The following PDLIM5 variants were observed in gnomAD, a reference collection of about 807,000 sequenced individuals.
The protein encoded by PDLIM5 is PDZ and LIM domain protein 5.
A neutral mutation model predicts 64.2 loss-of-function variants in PDLIM5; 34 were observed. The observed-to-expected ratio is 0.53, with a 90% CI of 0.40 to 0.71. The LOEUF (loss-of-function observed/expected upper bound fraction) is 0.71. PDLIM5 is among the 30% of genes least tolerant of loss of function. The pLI is 0.00. For missense variants in PDLIM5, 683 were observed against 733.6 expected (o/e 0.93, Z 0.80); for synonymous variants, 253 against 269.1 (o/e 0.94, Z 0.59).
intron 3 of PDLIM5, among the ~76,000 whole-genome samples, chr4:94,570,878 C>T (rs914019563): frequency 2.6e-5 from 4 of 151,944 alleles, no homozygotes; most frequent in Non-Finnish European, 4.4e-5. Flanking sequence ...TGATTGTTTA[C>T]GAGTTAAGTA....
intron 1 of PDLIM5, among the ~76,000 whole-genome samples, chr4:94,454,528 A>T (rs1304772527): frequency 6.6e-6 from 1 of 152,054 alleles, no homozygotes; most frequent in Non-Finnish European, 1.5e-5. Context: ...GCAAATGCTT[A>T]CTCTCTGCCT....
chr4:94,581,677 G>C (rs1176999513), intron 5 of PDLIM5, among the ~76,000 whole-genome samples: 2 of 152,126 alleles, frequency 1.3e-5, no homozygotes, highest in Admixed American at 1.3e-4. Context: ...TTCTTACTAT[G>C]TTTATAATGA....
At chr4:94,457,102 G>A (rs1197853658) in intron 2 of PDLIM5, 14 of 879,096 alleles carry the variant, frequency 1.6e-5, no homozygotes, top group Non-Finnish European at 1.9e-5. Flanking sequence ...TCTGCATCTT[G>A]TATGTGTATC....
chr4:94,560,753 G>A (rs1280979153), intron 3 of PDLIM5, among the ~76,000 whole-genome samples: 2 of 152,044 alleles, frequency 1.3e-5, no homozygotes, highest in Admixed American at 6.6e-5. Context: ...GTTTTGAGAC[G>A]AAGTCTTGCT....
At chr4:94,483,815 A>C (rs1726080242) in intron 2 of PDLIM5, among the ~76,000 whole-genome samples, 1 of 152,188 alleles carries the variant, frequency 6.6e-6, no homozygotes, top group Non-Finnish European at 1.5e-5. Context: ...TTATCATTCT[A>C]ATCTTCACAT....
At chr4:94,517,193 T>C (rs1729435917) in intron 2 of PDLIM5, among the ~76,000 whole-genome samples, 1 of 152,208 alleles carries the variant, frequency 6.6e-6, no homozygotes, top group African/African-American at 2.4e-5. Context: ...GTACCTATTG[T>C]TGGCAGGAAA....
In PDLIM5 at chr4:94,470,059, C is replaced by G. The variant is rs1025846369; in HGVS notation, c.96+14675C>G. 1.2e-4 allele frequency among the ~76,000 whole-genome samples: 17 copies of G among 147,320 alleles called. No homozygotes were observed. The East Asian group carries it at 2.7e-3, about 23-fold the overall frequency. ...TCGACTCACTGCAACCTCCGCCTCT[C>G]GGGTTTAAGTAATTGTCCTGCCTAA... is the stretch of plus-strand genomic sequence containing the variant. On this transcript the variant is annotated intron_variant, in intron 2 of 12. Transcript: ENST00000317968.
chr4:94,466,692 C>T (rs1005311327), intron 2 of PDLIM5, among the ~76,000 whole-genome samples: 4 of 152,172 alleles, frequency 2.6e-5, no homozygotes, highest in African/African-American at 9.7e-5. Context: ...CTGCTTTTCT[C>T]TAACTGCCAG....
intron 11 of PDLIM5, among the ~76,000 whole-genome samples, chr4:94,660,427 A>G (rs1742599677): frequency 6.6e-6 from 1 of 152,138 alleles, no homozygotes; most frequent in East Asian, 1.9e-4. Context: ...ACCTCTTCAG[A>G]GAGGCCTTTT....
rs372612390 is a variant in PDLIM5, at chr4:94,523,705, T to C, written c.97-19T>C. The C allele has an allele frequency of 8.8e-6, 14 of 1,598,922 alleles. No individual in the cohort carries two copies. The highest frequency in any genetic ancestry group is 1.2e-5 in the Non-Finnish European group (14 of 1,168,476). ...CTTTTTCAAAGAGTGACACTCCTAA[T>C]GAAATATATTTATTACAGCTAAAAG... On this transcript the variant is annotated intron_variant, in intron 2 of 12. Transcript: ENST00000317968.
intron 8 of PDLIM5, among the ~76,000 whole-genome samples, chr4:94,638,992 G>A (rs997579614): frequency 1.3e-5 from 2 of 152,172 alleles, no homozygotes; most frequent in African/African-American, 2.4e-5. Context: ...GAACACAGAA[G>A]AGAAACATTT....
chr4:94,570,505 T>C, intron 3 of PDLIM5, among the ~76,000 whole-genome samples: 1 of 152,206 alleles, frequency 6.6e-6, no homozygotes, highest in Non-Finnish European at 1.5e-5. Flanking sequence ...TTTTGTACTT[T>C]TGTTTATAGG....
At chr4:94,502,328 A>T (rs1317266554) in intron 2 of PDLIM5, among the ~76,000 whole-genome samples, 3 of 152,190 alleles carry the variant, frequency 2.0e-5, no homozygotes, top group African/African-American at 7.2e-5. Flanking sequence ...GAGGGATTCA[A>T]CTGTTAAAGA....
chr4:94,540,904 T>C (rs1731750251), intron 3 of PDLIM5, among the ~76,000 whole-genome samples: 1 of 152,196 alleles, frequency 6.6e-6, no homozygotes, highest in Non-Finnish European at 1.5e-5. Flanking sequence ...AGATACAGAG[T>C]ACTCGCCTTT....
rs781559620 is a variant in PDLIM5 at position 94,575,860 on chromosome 4, T to C, written c.536T>C (p.Leu179Pro). 1 of 1,614,214 alleles carries C rather than the reference T, an allele frequency of 6.2e-7. No homozygotes were observed. Among genetic ancestry groups the C allele is most frequent in the Non-Finnish European group, 8.5e-7 (1 of 1,180,032 alleles). The change falls in exon 5 of 13, where the codon CTG becomes CCG. Residue 179 changes from leucine (L) to proline (P), a missense_variant. Physicochemically the swap from Leu to Pro is moderately conservative, Grantham distance 98. Coordinates refer to ENST00000317968, the MANE Select transcript of PDLIM5 (RefSeq NM_006457.5). ...VTPPLFAASG[L>P]HANANLSADQ... ...CCTCCCCTGTTCGCTGCATCTGGAC[T>C]GCATGCTAATGCCAATCTTAGTGCT...
intron 2 of PDLIM5, among the ~76,000 whole-genome samples, chr4:94,489,265 T>C (rs1292558594): frequency 6.6e-6 from 1 of 152,210 alleles, no homozygotes; most frequent in Non-Finnish European, 1.5e-5. Context: ...TGGAATACTT[T>C]GTCCCTGGTT....
chr4:94,501,400 A>G (rs1463388008), intron 2 of PDLIM5, among the ~76,000 whole-genome samples: 1 of 152,130 alleles, frequency 6.6e-6, no homozygotes, highest in Non-Finnish European at 1.5e-5. Context: ...TATGGCATTG[A>G]GGGCATAAAA....
intron 2 of PDLIM5, among the ~76,000 whole-genome samples, chr4:94,505,977 C>T (rs1728359209): frequency 6.6e-6 from 1 of 152,134 alleles, no homozygotes; most frequent in Admixed American, 6.5e-5. Context: ...GCTGAAAGTC[C>T]CAAACTTATC....
At chr4:94,490,951 A>G (rs1051315482) in intron 2 of PDLIM5, among the ~76,000 whole-genome samples, 1 of 152,174 alleles carries the variant, frequency 6.6e-6, no homozygotes, top group African/African-American at 2.4e-5. Flanking sequence ...ATAATATAAA[A>G]TGACTGTATA....
Sources: allele counts gnomAD v4.1 joint callset (sites outside exome capture counted in the v4.1 genomes callset), GRCh38; gene constraint gnomAD v4.1.1; transcripts MANE v1.5; gene names NCBI Gene and HGNC (gene_info 2026-07-23, HGNC 2026-07-21).